The following VAV3 variants were observed in gnomAD, a reference collection of about 807,000 sequenced individuals.
VAV3 encodes the protein guanine nucleotide exchange factor VAV3.
In VAV3, 94 loss-of-function variants were observed where a neutral mutation model predicts 131.2. The observed-to-expected ratio is 0.72, with a 90% CI of 0.61 to 0.85. VAV3 has a LOEUF of 0.85. Among genes scored for constraint, VAV3 ranks in the 40% least tolerant of loss-of-function variants. VAV3 has a pLI of 0.00. For missense variants in VAV3, 939 were observed against 1,002.7 expected (o/e 0.94, Z 0.86); for synonymous variants, 349 against 342.0 (o/e 1.02, Z -0.22).
At chr1:107,798,718 CAAAAAAAAAA>C (rs57288177) in intron 2 of VAV3, among the ~76,000 whole-genome samples, 8 of 49,520 alleles carry the variant, frequency 1.6e-4, no homozygotes, top group African/African-American at 3.2e-4. Context: ...GACTCCCTCT[CAAAAAAAAAA>C]AAAAAAAAAA....
Position 107,571,627 on chromosome 1 carries a change from C to T in VAV3, c.*1704G>A, listed in dbSNP as rs1477132505. 6.6e-6 allele frequency: 1 copy of T among 152,504 alleles called. No individual in the cohort carries two copies. Among genetic ancestry groups the T allele is most frequent in the African/African-American group, 2.4e-5 (1 of 41,392 alleles). 9.4% of individuals were successfully genotyped at this position (152,504 alleles called of 1,614,324 possible). A position where few individuals can be genotyped will look rare whatever the true frequency, so the allele number is the denominator to read the frequency against. ...CAGATAAGACTTTACAGGAAAGAATCCATTCCAAGAGTACACTTTGAGGTG... is the reference window on the plus strand; with the variant it reads ...CAGATAAGACTTTACAGGAAAGAATTCATTCCAAGAGTACACTTTGAGGTG... On this transcript the variant is annotated 3_prime_UTR_variant, in exon 27 of 27. Transcript: ENST00000370056.
intron 20 of VAV3, among the ~76,000 whole-genome samples, chr1:107,623,870 C>T (rs2101293232): frequency 6.6e-6 from 1 of 152,294 alleles, no homozygotes; most frequent in South Asian, 2.1e-4. Flanking sequence ...GTCCCTATCT[C>T]TGGCATAGTT....
chr1:107,871,234 A>G (rs1361221867), intron 2 of VAV3, among the ~76,000 whole-genome samples: 1 of 152,168 alleles, frequency 6.6e-6, no homozygotes, highest in Non-Finnish European at 1.5e-5. Flanking sequence ...GATTTTACTT[A>G]TTTTTATTAT....
intron 19 of VAV3, chr1:107,669,346 T>C (rs750131024): frequency 6.2e-6 from 8 of 1,289,694 alleles, no homozygotes; most frequent in Non-Finnish European, 8.1e-6. Flanking sequence ...TCTCCTGTTA[T>C]TTTCAGAAAC....
chr1:107,573,221 A>G lies in VAV3; in HGVS notation c.*110T>C, dbSNP rs112965883. Reference sequence around the variant, plus strand: ...GGGCTAAGGAGGGAGGATGTTGAACAGCCAGAAATGCAGCTTTTTAAACAC... The same window carrying G: ...GGGCTAAGGAGGGAGGATGTTGAACGGCCAGAAATGCAGCTTTTTAAACAC... On this transcript the variant is annotated 3_prime_UTR_variant, in exon 27 of 27. Coordinates refer to ENST00000370056, the MANE Select transcript of VAV3 (RefSeq NM_006113.5). 4.9e-5 allele frequency: 61 copies of G among 1,252,278 alleles called. No homozygotes were observed. Among genetic ancestry groups the G allele is most frequent in the African/African-American group, 2.0e-4 (13 of 65,992 alleles). 77.6% of individuals were successfully genotyped at this position (1,252,278 alleles called of 1,614,324 possible). A position where few individuals can be genotyped will look rare whatever the true frequency, so the allele number is the denominator to read the frequency against.
chr1:107,732,108 A>G lies in VAV3; in HGVS notation c.1502+16860T>C, dbSNP rs1481485123. Among the ~76,000 whole-genome samples, 3 of 152,226 alleles carry G rather than the reference A, an allele frequency of 2.0e-5. No individual in the cohort carries two copies. In the East Asian group the frequency reaches 5.8e-4, roughly 29 times the overall value. The stretch of plus-strand genomic sequence containing the variant: ...AGCATCACATGCACAGGACTTTTCT[A>G]CATTGAAATTTCTAATCCCATTCTC... On this transcript the variant is annotated intron_variant, in intron 15 of 26. Transcript: ENST00000370056.
At chr1:107,712,054 T>G (rs1412555895) in intron 15 of VAV3, among the ~76,000 whole-genome samples, 1 of 152,174 alleles carries the variant, frequency 6.6e-6, no homozygotes, top group Non-Finnish European at 1.5e-5. Flanking sequence ...TTATTATAAA[T>G]ACACAACCTC....
chr1:107,588,929 T>G (rs1007289748), intron 25 of VAV3, among the ~76,000 whole-genome samples: 1 of 152,216 alleles, frequency 6.6e-6, no homozygotes, highest in African/African-American at 2.4e-5. Context: ...GGAGCCTGCA[T>G]TGGCTAGAAG....
At chr1:107,596,514 C>T (rs1046285227) in intron 24 of VAV3, among the ~76,000 whole-genome samples, 173 bp from the exon 25 acceptor site, 1 of 152,112 alleles carries the variant, frequency 6.6e-6, no homozygotes, top group Non-Finnish European at 1.5e-5. Context: ...ATGTACATGA[C>T]ACCTACCTAA....
intron 22 of VAV3, 55 bp from the exon 23 acceptor site, chr1:107,603,218 G>C (rs1207304726): frequency 7.6e-7 from 1 of 1,316,550 alleles, no homozygotes; most frequent in South Asian, 1.2e-5. Flanking sequence ...AGAGAACAGA[G>C]GCTAAAAGTA....
At chr1:107,757,560 G>A (rs951488124) in intron 10 of VAV3, among the ~76,000 whole-genome samples, 1 of 152,038 alleles carries the variant, frequency 6.6e-6, no homozygotes, top group African/African-American at 2.4e-5. Context: ...AGATGAATCT[G>A]AATTCTATCC....
At chr1:107,654,450 T>A (rs1284574187) in intron 19 of VAV3, among the ~76,000 whole-genome samples, 1 of 152,092 alleles carries the variant, frequency 6.6e-6, no homozygotes, top group Non-Finnish European at 1.5e-5. Flanking sequence ...CATTATCCTA[T>A]AAGCTTTTGT....
In VAV3 at chr1:107,964,815, T is replaced by C. The variant is rs2101433727; in HGVS notation, c.55A>G (p.Thr19Ala). The change falls in exon 1 of 27, where the codon ACC becomes GCC. Residue 19 changes from threonine (T) to alanine (A), a missense_variant. Thr to Ala is a moderately conservative substitution (Grantham distance 58). Transcript: ENST00000370056. ...QWLIHCKVLP[T>A]NHRVTWDSAQ... The stretch of plus-strand genomic sequence containing the variant: ...GAGTCCCAGGTCACCCGGTGGTTGG[T>C]GGGCAGCACCTTGCAATGGATGAGC... The C allele has an allele frequency of 6.2e-7, 1 of 1,613,822 alleles. No individual in the cohort carries two copies. The highest frequency in any genetic ancestry group is 8.5e-7 in the Non-Finnish European group (1 of 1,179,934).
In VAV3 at chr1:107,727,488, C is replaced by A. The variant is rs1026953330; in HGVS notation, c.1502+21480G>T. ...TTATTAGGCATTTAACCTCCAAACA[C>A]CTTTATGAAATCAGGTTTATTGGCA... On this transcript the variant is annotated intron_variant, in intron 15 of 26. Coordinates refer to ENST00000370056, the MANE Select transcript of VAV3 (RefSeq NM_006113.5). 2.1e-4 allele frequency among the ~76,000 whole-genome samples: 32 copies of A among 152,146 alleles called. 1 individual carries two copies. Among genetic ancestry groups the A allele is most frequent in the Admixed American group, 1.6e-3 (25 of 15,270 alleles).
intron 15 of VAV3, among the ~76,000 whole-genome samples, chr1:107,732,587 T>C (rs976001410): frequency 2.0e-5 from 3 of 152,210 alleles, no homozygotes; most frequent in African/African-American, 4.8e-5. Flanking sequence ...GAGGGTCCCA[T>C]GCCCACGGAG....
At chr1:107,786,715 A>C (rs1570952931) in intron 2 of VAV3, among the ~76,000 whole-genome samples, 1 of 152,212 alleles carries the variant, frequency 6.6e-6, no homozygotes, top group African/African-American at 2.4e-5. Flanking sequence ...AGTTCTAAGA[A>C]AGGATAGTAC....
chr1:107,755,885 TAGA>T (rs1299171085), intron 11 of VAV3, among the ~76,000 whole-genome samples: 3 of 152,198 alleles, frequency 2.0e-5, no homozygotes, highest in African/African-American at 7.2e-5. Context: ...TTACACAGGT[TAGA>T]AGAAGGGCAA....
In VAV3 at chr1:107,964,863, G is replaced by A. The variant is rs1675352214; in HGVS notation, c.7C>T (p.Pro3Ser). 1.3e-6 allele frequency: 2 copies of A among 1,577,448 alleles called. No individual in the cohort carries two copies. Among genetic ancestry groups the A allele is most frequent in the Non-Finnish European group, 8.6e-7 (1 of 1,160,456 alleles). ME[P>S]WKQCAQWLIH... ...AGCCACTGCGCGCACTGCTTCCACGGCTCCATGCCCGACGGCTCCGGGACG... is the reference window on the plus strand; with the variant it reads ...AGCCACTGCGCGCACTGCTTCCACGACTCCATGCCCGACGGCTCCGGGACG... Residue 3 changes from proline (P) to serine (S), a missense_variant, in exon 1 of 27, where the codon CCG becomes TCG. Coordinates refer to ENST00000370056, the MANE Select transcript of VAV3 (RefSeq NM_006113.5).
intron 19 of VAV3, among the ~76,000 whole-genome samples, chr1:107,661,867 A>G (rs1201082629): frequency 2.0e-5 from 3 of 152,278 alleles, no homozygotes; most frequent in Admixed American, 6.5e-5. Flanking sequence ...TATATCTAAC[A>G]TGTTACAGGA....
Sources: allele counts gnomAD v4.1 joint callset (sites outside exome capture counted in the v4.1 genomes callset), GRCh38; gene constraint gnomAD v4.1.1; transcripts MANE v1.5; gene names NCBI Gene and HGNC (gene_info 2026-07-23, HGNC 2026-07-21).